Variants in MYO7A observed in about 807,000 individuals in gnomAD.
MYO7A encodes unconventional myosin-VIIa.
A neutral mutation model predicts 263.8 loss-of-function variants in MYO7A; 210 were observed. The ratio of observed to expected loss-of-function variants is 0.80; its 90% CI spans 0.71 to 0.89. MYO7A has a LOEUF of 0.89. MYO7A is among the 40% of genes least tolerant of loss of function. The probability of loss-of-function intolerance (pLI) is 0.00; values close to 1 mark genes in which losing one functional copy is unlikely to be tolerated. For missense variants in MYO7A, 2,820 were observed against 2,968.3 expected (o/e 0.95, Z 1.16); for synonymous variants, 1,239 against 1,197.3 (o/e 1.03, Z -0.72).
chr11:77,131,404 G>C (rs1294839147), intron 2 of MYO7A, among the ~76,000 whole-genome samples: 1 of 152,228 alleles, frequency 6.6e-6, no homozygotes, highest in Admixed American at 6.5e-5. Context: ...GTTTGCATAT[G>C]AGTGCGTGCG....
chr11:77,132,246 A>C (rs1023672083), intron 2 of MYO7A, among the ~76,000 whole-genome samples: 1 of 152,074 alleles, frequency 6.6e-6, no homozygotes, highest in Non-Finnish European at 1.5e-5. Context: ...CCTGGTCCAC[A>C]GTCCTCCTCC....
chr11:77,214,019 T>C, intron 48 of MYO7A, 40 bp downstream of exon 48: 1 of 1,612,560 alleles, frequency 6.2e-7, no homozygotes, highest in Non-Finnish European at 8.5e-7. Context: ...GCTCCCTGCC[T>C]TGCCTGCAGC....
chr11:77,183,225 A>G, intron 26 of MYO7A, 68 bp downstream of exon 26: 1 of 1,360,204 alleles, frequency 7.4e-7, no homozygotes, highest in Non-Finnish European at 1.0e-6. Context: ...GCTGGAGCAC[A>G]GCTGAGCTGG....
At chr11:77,204,461 A>G (rs1227086864) in intron 39 of MYO7A, among the ~76,000 whole-genome samples, 1 of 152,218 alleles carries the variant, frequency 6.6e-6, no homozygotes, top group Non-Finnish European at 1.5e-5. Context: ...TCTAAGGGTA[A>G]CAGCCCCAGC....
chr11:77,189,060 C>T (rs1351697609), intron 27 of MYO7A, among the ~76,000 whole-genome samples: 1 of 152,200 alleles, frequency 6.6e-6, no homozygotes, highest in Non-Finnish European at 1.5e-5. Flanking sequence ...GCTGCGGCTG[C>T]TGAGCCCAGA....
intron 41 of MYO7A, among the ~76,000 whole-genome samples, chr11:77,206,629 G>A (rs1361885821): frequency 6.6e-6 from 1 of 152,154 alleles, no homozygotes; most frequent in African/African-American, 2.4e-5. Flanking sequence ...ACCTGAGGTG[G>A]TTGAGGTTCC....
intron 15 of MYO7A, among the ~76,000 whole-genome samples, chr11:77,167,408 G>A (rs1014617473): frequency 2.8e-4 from 42 of 152,276 alleles, no homozygotes; most frequent in African/African-American, 1.0e-3. Context: ...GGGACAGGTA[G>A]CATTTTCTGC....
At chr11:77,167,476 G>A (rs559290442) in intron 15 of MYO7A, among the ~76,000 whole-genome samples, 3 of 152,208 alleles carry the variant, frequency 2.0e-5, no homozygotes, top group South Asian at 4.1e-4. Context: ...CCAGGTAACA[G>A]CATTCTGACA....
Position 77,181,614 on chromosome 11 carries a change from C to T in MYO7A, c.2904+25C>T, listed in dbSNP as rs1272494594. The T allele has an allele frequency of 2.5e-6, 4 of 1,601,438 alleles. No homozygotes were observed. The African/African-American group carries it at 4.0e-5, about 16-fold the overall frequency. On this transcript the variant is annotated intron_variant, in intron 23 of 48. Transcript: ENST00000409709. ...GGTACCAGGCTAGGGACAGGGGCTC[C>T]AGAGGCCCACACACACCGCTTGTGT...
chr11:77,181,611 C>T (rs1955190149), intron 23 of MYO7A, 22 bp downstream of exon 23: 2 of 1,605,422 alleles, frequency 1.2e-6, no homozygotes, highest in Non-Finnish European at 1.7e-6. Flanking sequence ...GGGACAGGGG[C>T]TCCAGAGGCC....
chr11:77,183,170 G>A lies in MYO7A; in HGVS notation c.3375+13G>A, dbSNP rs372051205. 3.9e-5 allele frequency: 61 copies of A among 1,549,832 alleles called. No individual in the cohort carries two copies. In the African/African-American group the frequency reaches 6.4e-4, roughly 16 times the overall value. Reference sequence around the variant, plus strand: ...GCTCACAGAGGAGGTGAGGGCAGACGCTGGGGGTCTGGCAGCCCAGGGGTG... The same window carrying A: ...GCTCACAGAGGAGGTGAGGGCAGACACTGGGGGTCTGGCAGCCCAGGGGTG... On this transcript the variant is annotated intron_variant, in intron 26 of 48. Coordinates refer to ENST00000409709, the MANE Select transcript of MYO7A (RefSeq NM_000260.4).
At chr11:77,196,015 G>A (rs139720911) in intron 32 of MYO7A, among the ~76,000 whole-genome samples, 48 of 152,172 alleles carry the variant, frequency 3.2e-4, no homozygotes, top group Non-Finnish European at 5.1e-4. Context: ...CTCTTAAAAG[G>A]GCACGGGACA....
chr11:77,208,076 A>T (rs773169271), intron 42 of MYO7A, among the ~76,000 whole-genome samples: 3 of 152,178 alleles, frequency 2.0e-5, no homozygotes, highest in Non-Finnish European at 4.4e-5. Context: ...GGTGACCCCA[A>T]TGAGGTCCTA....
At chr11:77,198,189 G>A (rs538482309) in intron 33 of MYO7A, among the ~76,000 whole-genome samples, 27 of 152,318 alleles carry the variant, frequency 1.8e-4, no homozygotes, top group South Asian at 8.3e-4. Context: ...CACCAGGGCC[G>A]GAGGGAACCC....
rs1957438667 is a variant in MYO7A at position 77,206,221 on chromosome 11, T to C, written c.5742+19T>C. 6 of 1,591,016 alleles carry C rather than the reference T, an allele frequency of 3.8e-6. No individual in the cohort carries two copies. Among genetic ancestry groups the C allele is most frequent in the Non-Finnish European group, 4.3e-6 (5 of 1,164,180 alleles). On this transcript the variant is annotated intron_variant, in intron 41 of 48. Transcript: ENST00000409709. ...TGACGAGGTGAGGGTCACCGGCTTCTAGGTCTGCAGTGCCCAGGACAGGGC... is the reference window on the plus strand; with the variant it reads ...TGACGAGGTGAGGGTCACCGGCTTCCAGGTCTGCAGTGCCCAGGACAGGGC...
At chr11:77,207,101 G>C in intron 41 of MYO7A, 188 bp from the exon 42 acceptor site, 1 of 519,784 alleles carries the variant, frequency 1.9e-6, no homozygotes. Flanking sequence ...GTCGGGAGGA[G>C]GAGACCTGGG....
rs1054375203 is a variant in MYO7A, at chr11:77,146,795, C to T, written c.133-1003C>T. On this transcript the variant is annotated intron_variant, in intron 3 of 48. Transcript: ENST00000409709. ...TGGCATTTGGGGATGGGAGGGCTGA[C>T]GTACTCTCAGGCAATGGCCACACTT... 3.5e-4 allele frequency among the ~76,000 whole-genome samples: 53 copies of T among 152,118 alleles called. 1 individual carries two copies. Among genetic ancestry groups the T allele is most frequent in the African/African-American group, 1.2e-3 (51 of 41,498 alleles).
Position 77,156,955 on chromosome 11 carries a change from G to T in MYO7A, c.686G>T (p.Gly229Val). The change falls in exon 7 of 49, where the codon GGC becomes GTC. Residue 229 changes from glycine (G) to valine (V), a missense_variant. Coordinates refer to ENST00000409709, the MANE Select transcript of MYO7A (RefSeq NM_000260.4). Reference sequence around the variant, plus strand: ...TTCAACAAGCGGGGCGCCATCGAGGGCGCGAAGATTGAGCAGTACCTGCTG... The same window carrying T: ...TTCAACAAGCGGGGCGCCATCGAGGTCGCGAAGATTGAGCAGTACCTGCTG... ...IHFNKRGAIEGAKIEQYLLEK... is the reference protein window; with the variant it reads ...IHFNKRGAIEVAKIEQYLLEK... 3.7e-6 allele frequency: 6 copies of T among 1,613,986 alleles called. No individual in the cohort carries two copies. The highest frequency in any genetic ancestry group is 5.1e-6 in the Non-Finnish European group (6 of 1,179,904).
chr11:77,152,427 C>A (rs1952051785), intron 4 of MYO7A, among the ~76,000 whole-genome samples: 2 of 152,362 alleles, frequency 1.3e-5, no homozygotes, highest in East Asian at 3.9e-4. Context: ...GGCCCTGCCA[C>A]AGGGGACAAC....
Sources: allele counts gnomAD v4.1 joint callset (sites outside exome capture counted in the v4.1 genomes callset), GRCh38; gene constraint gnomAD v4.1.1; transcripts MANE v1.5; gene names NCBI Gene and HGNC (gene_info 2026-07-23, HGNC 2026-07-21).